The following CAB39 variants were observed in gnomAD, a reference collection of about 807,000 sequenced individuals.
The protein encoded by CAB39 is calcium-binding protein 39.
CAB39 carries 8 observed loss-of-function variants against 40.0 expected under a neutral mutation model. That is an observed-to-expected ratio of 0.20 (90% CI 0.12 to 0.36). The LOEUF is 0.36. Among genes scored for constraint, CAB39 ranks in the 10% least tolerant of loss-of-function variants. CAB39 has a pLI of 1.00. For synonymous variants in CAB39, 156 were observed against 141.6 expected (o/e 1.10, Z -0.72); for missense variants, 270 against 401.1 (o/e 0.67, Z 2.79).
At chr2:230,784,743 A>AT (rs1331599591) in intron 2 of CAB39, among the ~76,000 whole-genome samples, 3 of 152,212 alleles carry the variant, frequency 2.0e-5, no homozygotes, top group Non-Finnish European at 4.4e-5. Context: ...GAAAAAAAGA[A>AT]TTAACGCGGG....
intron 1 of CAB39, among the ~76,000 whole-genome samples, chr2:230,738,864 C>T (rs1049233526): frequency 2.6e-5 from 4 of 152,058 alleles, no homozygotes; most frequent in Admixed American, 1.3e-4. Context: ...ATAAATTTTG[C>T]AAATAAAACT....
chr2:230,783,672 G>C (rs1027055990), intron 2 of CAB39, among the ~76,000 whole-genome samples: 2 of 136,452 alleles, frequency 1.5e-5, no homozygotes, highest in Non-Finnish European at 3.1e-5. Flanking sequence ...CTAATTTTTT[G>C]TATTTTTAGG....
chr2:230,818,772 CTT>C lies in CAB39; in HGVS notation c.*69_*70del, dbSNP rs16836174. ...TGTTAGCTATTCAGCATCAGGCACT[CTT>C]ATTGATTCATGAGGAACATTACTGC... is the stretch of plus-strand genomic sequence containing the variant. On this transcript the variant is annotated 3_prime_UTR_variant, in exon 9 of 9. Coordinates refer to ENST00000258418, the MANE Select transcript of CAB39 (RefSeq NM_016289.4). 164,474 of 1,214,538 alleles carry C rather than the reference CTT, an allele frequency of 0.14. 11,859 individuals carry two copies. Among genetic ancestry groups the C allele is most frequent in the Admixed American group, 0.16 (8,306 of 51,620 alleles). The allele number at this position is 1,214,538 out of a possible 1,614,324, so 75.2% of individuals were successfully genotyped here.
chr2:230,814,209 C>CCTG, intron 7 of CAB39, 95 bp downstream of exon 7: 1 of 623,242 alleles, frequency 1.6e-6, no homozygotes, highest in Non-Finnish European at 2.8e-6. Flanking sequence ...GGTCATAGAC[C>CCTG]TTTGGGGGAA....
intron 2 of CAB39, among the ~76,000 whole-genome samples, chr2:230,764,521 A>C (rs1695349377): frequency 6.6e-6 from 1 of 152,248 alleles, no homozygotes; most frequent in African/African-American, 2.4e-5. Flanking sequence ...TCACTGACAT[A>C]TACAGATCTC....
intron 1 of CAB39, among the ~76,000 whole-genome samples, chr2:230,754,287 TTTCTTTC>T (rs144099318): frequency 3.0e-4 from 40 of 134,398 alleles, no homozygotes; most frequent in Admixed American, 1.2e-3. Context: ...AGTATTCTTT[TTTCTTTC>T]TTCTTTCTTC....
intron 2 of CAB39, among the ~76,000 whole-genome samples, chr2:230,779,791 A>T (rs1318192509): frequency 6.6e-6 from 1 of 152,358 alleles, no homozygotes; most frequent in East Asian, 1.9e-4. Flanking sequence ...ATAAGGTCAC[A>T]GCTGCTGTAG....
intron 2 of CAB39, among the ~76,000 whole-genome samples, chr2:230,781,596 G>A (rs933920249): frequency 1.3e-5 from 2 of 152,188 alleles, no homozygotes; most frequent in African/African-American, 4.8e-5. Flanking sequence ...GTCATTAAGG[G>A]TTCAGTGGAT....
At chr2:230,772,982 T>A (rs57775776) in intron 2 of CAB39, among the ~76,000 whole-genome samples, 20,254 of 115,068 alleles carry the variant, frequency 0.18, 2,114 homozygotes, top group African/African-American at 0.33. Context: ...TACTCAGCAA[T>A]AAAAAAAAAA....
chr2:230,774,034 CA>C (rs1434809049), intron 2 of CAB39, among the ~76,000 whole-genome samples: 4 of 152,126 alleles, frequency 2.6e-5, no homozygotes, highest in African/African-American at 9.7e-5. Context: ...TAGAGTCCCC[CA>C]TCTTATTTTG....
chr2:230,747,321 G>A (rs189543851), intron 1 of CAB39, among the ~76,000 whole-genome samples: 11 of 152,368 alleles, frequency 7.2e-5, no homozygotes, highest in African/African-American at 2.4e-4. Flanking sequence ...CATTGGCATT[G>A]CTGTAGTTTC....
chr2:230,811,312 T>C (rs556254391), intron 6 of CAB39, among the ~76,000 whole-genome samples: 4 of 152,296 alleles, frequency 2.6e-5, no homozygotes, highest in South Asian at 2.1e-4. Flanking sequence ...TGGGTTTTTT[T>C]CCCTGTCTTT....
intron 1 of CAB39, among the ~76,000 whole-genome samples, chr2:230,727,416 C>CTTT (rs1254776167): frequency 1.2e-5 from 1 of 84,752 alleles, no homozygotes; most frequent in Admixed American, 1.1e-4. Context: ...TTTTCTTTTT[C>CTTT]TTTTTTTTTT....
chr2:230,721,986 C>T (rs571163490), intron 1 of CAB39, among the ~76,000 whole-genome samples: 7 of 151,290 alleles, frequency 4.6e-5, no homozygotes, highest in South Asian at 2.1e-4. Context: ...CTTACTAATT[C>T]GGATGATAAT....
chr2:230,799,464 G>A (rs901725637), intron 5 of CAB39, among the ~76,000 whole-genome samples: 3 of 152,068 alleles, frequency 2.0e-5, no homozygotes, highest in African/African-American at 4.8e-5. Context: ...TATCTTCCCC[G>A]CTCCCCCATC....
At chr2:230,773,842 A>C (rs567553751) in intron 2 of CAB39, among the ~76,000 whole-genome samples, 1 of 152,314 alleles carries the variant, frequency 6.6e-6, no homozygotes, top group South Asian at 2.1e-4. Context: ...TTGTCTTGAT[A>C]TTAGGAAAAA....
chr2:230,799,024 A>G lies in CAB39; in HGVS notation c.567+127A>G, dbSNP rs568084814. On this transcript the variant is annotated intron_variant, in intron 5 of 8. Transcript: ENST00000258418. ...GTGGGAAGAGAAAGATACATTTTGT[A>G]TATGTTTGTGTGATAGAGGTATATG... 3.4e-5 allele frequency: 23 copies of G among 674,456 alleles called. No homozygotes were observed. The Admixed American group carries it at 3.8e-4, about 11-fold the overall frequency. The allele number at this position is 674,456 out of a possible 1,614,324, so 41.8% of individuals were successfully genotyped here. A position where few individuals can be genotyped will look rare whatever the true frequency, so the allele number is the denominator to read the frequency against.
intron 1 of CAB39, among the ~76,000 whole-genome samples, chr2:230,720,216 A>G (rs1474185556): frequency 6.6e-6 from 1 of 152,204 alleles, no homozygotes; most frequent in Non-Finnish European, 1.5e-5. Context: ...GTGGGAAAGA[A>G]AGAACCAAAA....
chr2:230,732,106 G>T (rs547608612), intron 1 of CAB39, among the ~76,000 whole-genome samples: 251 of 151,716 alleles, frequency 1.7e-3, no homozygotes, highest in African/African-American at 5.6e-3. Flanking sequence ...GGGGGAGGGG[G>T]ACTGTCTCAC....
Sources: gnomAD v4.1 joint callset for allele counts (sites outside exome capture counted in the v4.1 genomes callset) on GRCh38, gnomAD v4.1.1 for gene constraint, MANE v1.5 for transcripts, NCBI Gene and HGNC (gene_info 2026-07-23, HGNC 2026-07-21) for gene names.